FDFT1: variants seen among roughly 807,000 people sequenced by gnomAD.
The protein encoded by FDFT1 is farnesyl-diphosphate farnesyltransferase 1.
A neutral mutation model predicts 46.8 loss-of-function variants in FDFT1; 68 were observed. The observed-to-expected ratio is 1.45, with a 90% CI of 1.19 to 1.78. The LOEUF is 1.78. FDFT1 is among the 40% of genes most tolerant of loss of function. The pLI, the probability that FDFT1 is intolerant of heterozygous loss-of-function variation, is 0.00. For synonymous variants in FDFT1, 351 were observed against 185.1 expected (o/e 1.90, Z -7.28); for missense variants, 928 against 524.4 (o/e 1.77, Z -7.52).
Position 11,835,971 on chromosome 8 carries a change from T to TAAAAAAAA in FDFT1, c.1033-2400_1033-2393dup, listed in dbSNP as rs755611965. The stretch of plus-strand genomic sequence containing the variant: ...TTATGTGATGAAACCCTGTCTCTAC[T>TAAAAAAAA]AAAAAAAAAAAAAAAAAAAAAAAAT... On this transcript the variant is annotated intron_variant, in intron 7 of 7. Coordinates refer to ENST00000220584, the MANE Select transcript of FDFT1 (RefSeq NM_004462.5). Among the ~76,000 whole-genome samples the TAAAAAAAA allele has an allele frequency of 2.7e-3, 177 of 64,502 alleles. 8 individuals carry two copies. Among genetic ancestry groups the TAAAAAAAA allele is most frequent in the Middle Eastern group, 9.8e-3 (1 of 102 alleles). The allele number at this position is 64,502 out of a possible 152,430, so 42.3% of individuals were successfully genotyped here.
chr8:11,816,659 G>C (rs145913824), intron 3 of FDFT1, among the ~76,000 whole-genome samples: 97 of 152,170 alleles, frequency 6.4e-4, no homozygotes, highest in African/African-American at 2.2e-3. Context: ...TCATGATTTG[G>C]CTCCTTGTTT....
chr8:11,807,766 G>C (rs550285514), intron 1 of FDFT1, among the ~76,000 whole-genome samples: 1 of 152,250 alleles, frequency 6.6e-6, no homozygotes, highest in African/African-American at 2.4e-5. Context: ...AAGACATCTT[G>C]AAAGGAATGG....
intron 5 of FDFT1, among the ~76,000 whole-genome samples, chr8:11,828,555 A>G (rs899212846): frequency 1.3e-5 from 2 of 152,248 alleles, no homozygotes; most frequent in East Asian, 3.8e-4. Flanking sequence ...CCCAGACAGA[A>G]CATCAGCCAC....
chr8:11,816,941 TG>T (rs1163459349), intron 3 of FDFT1, among the ~76,000 whole-genome samples: 1 of 152,240 alleles, frequency 6.6e-6, no homozygotes, highest in Non-Finnish European at 1.5e-5. Flanking sequence ...ATCCTTGTCT[TG>T]TGCAGGTTTT....
Position 11,832,551 on chromosome 8 carries a change from C to CAAAAAAAAAAAAAAAAAAAAAAAAAA in FDFT1, c.1032+906_1032+907insAAAAAAAAAAAAAAAAAAAAAAAAAA, listed in dbSNP as rs531759815. 1.9e-4 allele frequency among the ~76,000 whole-genome samples: 7 copies of CAAAAAAAAAAAAAAAAAAAAAAAAAA among 36,376 alleles called. 1 individual carries two copies. Among genetic ancestry groups the CAAAAAAAAAAAAAAAAAAAAAAAAAA allele is most frequent in the Admixed American group, 4.7e-4 (1 of 2,118 alleles). 23.9% of individuals were successfully genotyped at this position (36,376 alleles called of 152,430 possible). A position where few individuals can be genotyped will look rare whatever the true frequency, so the allele number is the denominator to read the frequency against. ...TGGGTGATAGAGTGAGACTTTGTCTCAAAAAAAAAAAAAAAAAAAAAAAAA... is the reference window on the plus strand; with the variant it reads ...TGGGTGATAGAGTGAGACTTTGTCTCAAAAAAAAAAAAAAAAAAAAAAAAAAAAAAAAAAAAAAAAAAAAAAAAAAA... On this transcript the variant is annotated intron_variant, in intron 7 of 7. Coordinates refer to ENST00000220584, the MANE Select transcript of FDFT1 (RefSeq NM_004462.5).
rs1359063243 is a variant in FDFT1, at chr8:11,814,152, G to A, written c.381+4302G>A. 2.6e-5 allele frequency among the ~76,000 whole-genome samples: 4 copies of A among 152,144 alleles called. No homozygotes were observed. The South Asian group carries it at 6.2e-4, about 24-fold the overall frequency. ...ATCTGTGGAATGAGCAGAGTCCAAC[G>A]GAGATTCAGGGATTCTAATAACCTC... On this transcript the variant is annotated intron_variant, in intron 3 of 7. Coordinates refer to ENST00000220584, the MANE Select transcript of FDFT1 (RefSeq NM_004462.5).
chr8:11,808,725 CA>C, intron 1 of FDFT1, 68 bp from the exon 2 acceptor site: 4 of 1,561,848 alleles, frequency 2.6e-6, no homozygotes, highest in Admixed American at 3.7e-5. Context: ...CTCCCACTCC[CA>C]CTCCCACTCC....
chr8:11,804,582 A>T (rs2130678764), intron 1 of FDFT1, among the ~76,000 whole-genome samples: 1 of 150,152 alleles, frequency 6.7e-6, no homozygotes, highest in South Asian at 2.1e-4. Flanking sequence ...CCCTTCACTT[A>T]ACATTATCTT....
intron 3 of FDFT1, among the ~76,000 whole-genome samples, chr8:11,815,961 G>A (rs1808390287): frequency 6.6e-6 from 1 of 152,162 alleles, no homozygotes; most frequent in Non-Finnish European, 1.5e-5. Context: ...GTCCTGAATG[G>A]TATTGACTGC....
At chr8:11,833,652 T>G (rs1434505474) in intron 7 of FDFT1, among the ~76,000 whole-genome samples, 1 of 152,224 alleles carries the variant, frequency 6.6e-6, no homozygotes, top group Non-Finnish European at 1.5e-5. Context: ...GCCCTGTTTT[T>G]GTGAATAAAT....
At chr8:11,822,048 T>A (rs1214245909) in intron 4 of FDFT1, among the ~76,000 whole-genome samples, 170 bp downstream of exon 4, 1 of 152,130 alleles carries the variant, frequency 6.6e-6, no homozygotes, top group South Asian at 2.1e-4. Context: ...CAGAGTTAAT[T>A]CCAAACCAGC....
intron 3 of FDFT1, among the ~76,000 whole-genome samples, chr8:11,815,183 G>A (rs867842334): frequency 4.6e-5 from 7 of 152,240 alleles, no homozygotes; most frequent in Admixed American, 2.0e-4. Flanking sequence ...CCATGTCCCT[G>A]CAAAGGACAT....
At chr8:11,824,735 T>G (rs1164153036) in intron 4 of FDFT1, among the ~76,000 whole-genome samples, 2 of 151,950 alleles carry the variant, frequency 1.3e-5, no homozygotes, top group Non-Finnish European at 2.9e-5. Context: ...GAGTTCTTTT[T>G]TTCTGTTGTT....
chr8:11,809,604 T>C (rs1807411419), intron 2 of FDFT1, 63 bp from the exon 3 acceptor site: 5 of 1,488,176 alleles, frequency 3.4e-6, no homozygotes, highest in African/African-American at 2.8e-5. Context: ...GCACAAGTTA[T>C]TTTAAAATAA....
intron 5 of FDFT1, among the ~76,000 whole-genome samples, chr8:11,826,912 C>T (rs1305738695): frequency 1.3e-5 from 2 of 152,178 alleles, no homozygotes; most frequent in African/African-American, 4.8e-5. Flanking sequence ...TACGTCTACA[C>T]AGTACACACA....
In FDFT1 at chr8:11,835,101, G is replaced by A. The variant is rs1192907884; in HGVS notation, c.1033-3287G>A. On this transcript the variant is annotated intron_variant, in intron 7 of 7. Coordinates refer to ENST00000220584, the MANE Select transcript of FDFT1 (RefSeq NM_004462.5). Reference sequence around the variant, plus strand: ...ATGGCACCACTGCACTCCAGCCTGGGCAACAGGGTGAAGGCCCTTTCTCAA... The same window carrying A: ...ATGGCACCACTGCACTCCAGCCTGGACAACAGGGTGAAGGCCCTTTCTCAA... 3.3e-5 allele frequency among the ~76,000 whole-genome samples: 5 copies of A among 152,200 alleles called. 1 individual carries two copies. Among genetic ancestry groups the A allele is most frequent in the East Asian group, 1.9e-4 (1 of 5,202 alleles).
At chr8:11,808,620 C>G in intron 1 of FDFT1, 174 bp from the exon 2 acceptor site, 5 of 1,391,730 alleles carry the variant, frequency 3.6e-6, no homozygotes, top group Non-Finnish European at 4.6e-6. Context: ...AGGCACCGCC[C>G]CGCGGGGCTG....
rs531759815 is a variant in FDFT1, at chr8:11,832,551, C to CAAAAAA, written c.1032+901_1032+906dup. Among the ~76,000 whole-genome samples the CAAAAAA allele has an allele frequency of 6.8e-3, 246 of 36,362 alleles. 23 individuals are homozygous for CAAAAAA. The highest frequency in any genetic ancestry group is 0.017 in the African/African-American group (208 of 12,208). The allele number at this position is 36,362 out of a possible 152,430, so 23.9% of individuals were successfully genotyped here. On this transcript the variant is annotated intron_variant, in intron 7 of 7. Coordinates refer to ENST00000220584, the MANE Select transcript of FDFT1 (RefSeq NM_004462.5). ...TGGGTGATAGAGTGAGACTTTGTCT[C>CAAAAAA]AAAAAAAAAAAAAAAAAAAAAAAAA...
chr8:11,802,274 C>T (rs932473354), upstream of FDFT1: 3 of 383,642 alleles, frequency 7.8e-6, no homozygotes, highest in African/African-American at 6.3e-5. Flanking sequence ...CAGAGAGCGG[C>T]TGCAGAGCTC....
Sources: allele counts gnomAD v4.1 joint callset (sites outside exome capture counted in the v4.1 genomes callset), GRCh38; gene constraint gnomAD v4.1.1; transcripts MANE v1.5; gene names NCBI Gene and HGNC (gene_info 2026-07-23, HGNC 2026-07-21).